ANAPC10: variants seen among roughly 807,000 people sequenced by gnomAD.
The protein encoded by ANAPC10 is anaphase promoting complex subunit 10.
A neutral mutation model predicts 22.0 loss-of-function variants in ANAPC10; 12 were observed. The ratio of observed to expected loss-of-function variants is 0.55; its 90% CI spans 0.35 to 0.88. ANAPC10 has a LOEUF of 0.88. Among genes scored for constraint, ANAPC10 ranks in the 40% least tolerant of loss-of-function variants. ANAPC10 has a pLI of 0.01. For missense variants in ANAPC10, 188 were observed against 220.9 expected (o/e 0.85, Z 0.94); for synonymous variants, 65 against 69.5 (o/e 0.94, Z 0.32).
Position 145,081,741 on chromosome 4 carries a change from A to C in ANAPC10, c.125T>G (p.Val42Gly), listed in dbSNP as rs779900815. Residue 42 changes from valine to glycine, a missense_variant, in exon 3 of 5, where the codon GTG becomes GGG. Transcript: ENST00000507656. ...TAGATTGTCATCTCGTAACTGATCC[A>C]CTCCAAATCCTAAAAACACCAAAAG... is the stretch of plus-strand genomic sequence containing the variant. ...SLSSCKPGFGVDQLRDDNLET... is the reference protein window; with the variant it reads ...SLSSCKPGFGGDQLRDDNLET... 6.2e-7 allele frequency: 1 copy of C among 1,611,914 alleles called. No individual in the cohort carries two copies. Among genetic ancestry groups the C allele is most frequent in the Non-Finnish European group, 8.5e-7 (1 of 1,178,880 alleles).
At position 144,997,726 on chromosome 4, in the gene ANAPC10, C is replaced by A. The variant is rs143737189; in HGVS notation, c.328-2123G>T. Among the ~76,000 whole-genome samples, 729 of 152,200 alleles carry A rather than the reference C, an allele frequency of 4.8e-3. 10 individuals carry two copies. Among genetic ancestry groups the A allele is most frequent in the African/African-American group, 0.017 (689 of 41,542 alleles). ...CAATGACAGGAACAAATTCACACAT[C>A]ACAATATTAACCTTAAATGTAAATG... On this transcript the variant is annotated intron_variant, in intron 4 of 4. Coordinates refer to ENST00000507656, the MANE Select transcript of ANAPC10 (RefSeq NM_001256706.2).
At chr4:145,007,376 C>G (rs1334848307) in intron 4 of ANAPC10, among the ~76,000 whole-genome samples, 1 of 152,060 alleles carries the variant, frequency 6.6e-6, no homozygotes, top group East Asian at 1.9e-4. Context: ...CAAAATTGAC[C>G]ACATAGTTGG....
At chr4:145,082,250 A>G (rs1272509065) in intron 2 of ANAPC10, among the ~76,000 whole-genome samples, 10 of 152,240 alleles carry the variant, frequency 6.6e-5, no homozygotes, top group Admixed American at 6.5e-4. Flanking sequence ...CCCGGATTCA[A>G]GCGATTCTCC....
chr4:145,006,148 A>G (rs571273571), intron 4 of ANAPC10, among the ~76,000 whole-genome samples: 6 of 152,264 alleles, frequency 3.9e-5, no homozygotes, highest in Admixed American at 3.9e-4. Flanking sequence ...TGTTGACTGC[A>G]TATATATTTA....
At chr4:145,047,019 A>T (rs1486682909) in intron 4 of ANAPC10, among the ~76,000 whole-genome samples, 1 of 152,156 alleles carries the variant, frequency 6.6e-6, no homozygotes, top group Non-Finnish European at 1.5e-5. Context: ...AAGAATCTAT[A>T]CATATTAGGT....
intron 4 of ANAPC10, among the ~76,000 whole-genome samples, chr4:145,051,677 T>C (rs1741124831): frequency 6.6e-6 from 1 of 152,034 alleles, no homozygotes; most frequent in African/African-American, 2.4e-5. Flanking sequence ...TCATGAAAAA[T>C]TCATGCAGTT....
chr4:145,086,722 T>C (rs571463130), intron 2 of ANAPC10, among the ~76,000 whole-genome samples: 35 of 152,042 alleles, frequency 2.3e-4, no homozygotes, highest in African/African-American at 8.2e-4. Flanking sequence ...CCCTGGGCTC[T>C]ACCCACTAGA....
At chr4:145,054,656 TGC>T (rs1560884791) in intron 4 of ANAPC10, among the ~76,000 whole-genome samples, 1 of 140,770 alleles carries the variant, frequency 7.1e-6, no homozygotes, top group African/African-American at 2.7e-5. Flanking sequence ...CGCGCGCGCG[TGC>T]GTGCAGCGCA....
At chr4:145,065,490 A>T (rs1743544494) in intron 3 of ANAPC10, among the ~76,000 whole-genome samples, 1 of 152,062 alleles carries the variant, frequency 6.6e-6, no homozygotes, top group African/African-American at 2.4e-5. Context: ...TGACCTACTA[A>T]TTCAAACTTC....
In ANAPC10 at chr4:145,064,711, AAAT is replaced by A. The variant is rs1159181019; in HGVS notation, c.207-22_207-20del. On this transcript the variant is annotated intron_variant, in intron 3 of 4. Transcript: ENST00000507656. Reference sequence around the variant, plus strand: ...TTTTCTTCTAAAAGCAATAAAGTAAAAATAACATGCACTTCATCATATGAAAAG... The same window carrying A: ...TTTTCTTCTAAAAGCAATAAAGTAAAAACATGCACTTCATCATATGAAAAG... The A allele has an allele frequency of 4.7e-6, 7 of 1,484,388 alleles. No homozygotes were observed. The highest frequency in any genetic ancestry group is 6.3e-6 in the Non-Finnish European group (7 of 1,109,196). 92.0% of individuals were successfully genotyped at this position (1,484,388 alleles called of 1,614,324 possible).
intron 4 of ANAPC10, among the ~76,000 whole-genome samples, chr4:145,025,331 CG>C (rs1256683266): frequency 1.5e-5 from 2 of 130,322 alleles, no homozygotes; most frequent in Non-Finnish European, 3.2e-5. Flanking sequence ...GCTTTCAACA[CG>C]CCCCCCCCCC....
At chr4:145,074,031 T>G (rs968539427) in intron 3 of ANAPC10, among the ~76,000 whole-genome samples, 3 of 151,912 alleles carry the variant, frequency 2.0e-5, no homozygotes, top group Non-Finnish European at 4.4e-5. Context: ...CTCCCCAATT[T>G]TCCTTAAAAT....
At chr4:145,078,428 G>A (rs900147294) in intron 3 of ANAPC10, among the ~76,000 whole-genome samples, 1 of 151,596 alleles carries the variant, frequency 6.6e-6, no homozygotes, top group African/African-American at 2.4e-5. Context: ...AATCAATATT[G>A]TTTAAAAAAA....
intron 4 of ANAPC10, among the ~76,000 whole-genome samples, chr4:145,026,918 TAC>T (rs1256241695): frequency 3.2e-5 from 1 of 31,380 alleles, no homozygotes; most frequent in African/African-American, 6.8e-5. Flanking sequence ...TGCCTATACA[TAC>T]ATATATATAT....
chr4:145,070,499 T>C lies in ANAPC10; in HGVS notation c.207-5807A>G, dbSNP rs576511802. On this transcript the variant is annotated intron_variant, in intron 3 of 4. Coordinates refer to ENST00000507656, the MANE Select transcript of ANAPC10 (RefSeq NM_001256706.2). ...ACTCATTAGGATGACTATTATCAAATGTTGGCATGGATGTGGAGAAACTGG... is the reference window on the plus strand; with the variant it reads ...ACTCATTAGGATGACTATTATCAAACGTTGGCATGGATGTGGAGAAACTGG... Among the ~76,000 whole-genome samples, 12 of 152,300 alleles carry C rather than the reference T, an allele frequency of 7.9e-5. No homozygotes were observed. In the South Asian group the frequency reaches 1.5e-3, roughly 18 times the overall value.
intron 4 of ANAPC10, among the ~76,000 whole-genome samples, chr4:145,046,528 G>C (rs1282806917): frequency 6.6e-6 from 1 of 151,910 alleles, no homozygotes; most frequent in Non-Finnish European, 1.5e-5. Context: ...TTGACACAAC[G>C]GATAAAGATG....
intron 2 of ANAPC10, 34 bp from the exon 3 acceptor site, chr4:145,081,784 G>C: frequency 6.8e-7 from 1 of 1,475,550 alleles, no homozygotes; most frequent in Non-Finnish European, 9.4e-7. Context: ...AAATCCCTGT[G>C]AAAAAGAAAC....
At chr4:145,079,685 C>T (rs1461923175) in intron 3 of ANAPC10, among the ~76,000 whole-genome samples, 1 of 152,134 alleles carries the variant, frequency 6.6e-6, no homozygotes, top group Admixed American at 6.5e-5. Context: ...CACCATGGAA[C>T]ACCACACAAT....
intron 4 of ANAPC10, among the ~76,000 whole-genome samples, chr4:145,052,686 G>A (rs1741299223): frequency 6.6e-6 from 1 of 152,040 alleles, no homozygotes; most frequent in African/African-American, 2.4e-5. Context: ...CAGATCACAT[G>A]GTCCGGAGAT....
Sources: gnomAD v4.1 joint callset for allele counts (sites outside exome capture counted in the v4.1 genomes callset) on GRCh38, gnomAD v4.1.1 for gene constraint, MANE v1.5 for transcripts, NCBI Gene and HGNC (gene_info 2026-07-23, HGNC 2026-07-21) for gene names.